Variants in PODN observed in about 807,000 individuals in gnomAD.
PODN encodes the protein podocan proteoglycan.
PODN carries 40 observed loss-of-function variants against 52.7 expected under a neutral mutation model. The ratio of observed to expected loss-of-function variants is 0.76; its 90% CI spans 0.59 to 0.99. The LOEUF is 0.99. Among genes scored for constraint, PODN ranks in the 50% least tolerant of loss-of-function variants. The pLI, the probability that PODN is intolerant of heterozygous loss-of-function variation, is 0.00. For synonymous variants in PODN, 396 were observed against 377.9 expected, an observed-to-expected ratio of 1.05 and a Z score of -0.56; for missense variants, 720 against 815.1, an observed-to-expected ratio of 0.88 and a Z score of 1.42.
chr1:53,072,134 A>G (rs966262001), intron 3 of PODN, among the ~76,000 whole-genome samples: 1 of 150,812 alleles, frequency 6.6e-6, no homozygotes, highest in African/African-American at 2.4e-5. Flanking sequence ...TAAAATAAAT[A>G]AAAAATAAAA....
intron 8 of PODN, among the ~76,000 whole-genome samples, chr1:53,079,961 C>G (rs1045328139): frequency 6.9e-6 from 1 of 145,262 alleles, no homozygotes; most frequent in Non-Finnish European, 1.5e-5. Flanking sequence ...CGCTACAGCA[C>G]TCAATCCTGG....
chr1:53,070,194 A>T (rs1036154955), intron 2 of PODN, 27 bp downstream of exon 2: 1 of 1,598,624 alleles, frequency 6.3e-7, no homozygotes, highest in Non-Finnish European at 8.5e-7. Flanking sequence ...ACCTGTGGTC[A>T]CGGGGGCTGT....
chr1:53,069,652 G>T, intron 1 of PODN, 149 bp from the exon 2 acceptor site: 1 of 1,199,182 alleles, frequency 8.3e-7, no homozygotes, highest in South Asian at 1.7e-5. Context: ...CCTCTGGAGG[G>T]CAGCCTGGTG....
chr1:53,070,890 C>G (rs965418155), intron 2 of PODN: 3 of 152,780 alleles, frequency 2.0e-5, no homozygotes, highest in African/African-American at 7.2e-5. Flanking sequence ...GCTCTTTCAT[C>G]CACACATCAA....
In PODN at chr1:53,075,940, G is replaced by A. The variant is rs369911030; in HGVS notation, c.550G>A (p.Gly184Arg). Residue 184 changes from glycine (G) to arginine (R), a missense_variant, in exon 5 of 11, where the codon GGG becomes AGG. Physicochemically the swap from Gly to Arg is moderately radical, Grantham distance 125 (BLOSUM62 -2). Transcript: ENST00000312553. ...FAANYLTKIY[G>R]LTFGQKPNLR... ...TGCCAACTATCTCACCAAGATCTAT[G>A]GGCTCACCTTTGGCCAGAAGCCAAA... The A allele has an allele frequency of 6.2e-7, 1 of 1,602,352 alleles. No homozygotes were observed. The highest frequency in any genetic ancestry group is 1.7e-5 in the Admixed American group (1 of 59,048).
chr1:53,062,382 G>C (rs1369417634), intron 1 of PODN, 74 bp downstream of exon 1: 10 of 1,101,906 alleles, frequency 9.1e-6, no homozygotes, highest in Non-Finnish European at 1.2e-5. Flanking sequence ...AGACGTCCCC[G>C]CCTCTCCGGA....
At chr1:53,070,297 C>G (rs1644099083) in intron 2 of PODN, 130 bp downstream of exon 2, 1 of 1,400,574 alleles carries the variant, frequency 7.1e-7, no homozygotes, top group Non-Finnish European at 9.6e-7. Context: ...CCACTCCCAA[C>G]CACAGGGTGC....
intron 3 of PODN, among the ~76,000 whole-genome samples, chr1:53,071,845 T>G (rs1441962301): frequency 1.3e-5 from 2 of 151,744 alleles, no homozygotes; most frequent in African/African-American, 4.9e-5. Flanking sequence ...ACACGGATAT[T>G]TCTTTCTTTT....
chr1:53,082,304 C>A, intron 10 of PODN, 116 bp downstream of exon 10: 1 of 1,336,852 alleles, frequency 7.5e-7, no homozygotes, highest in East Asian at 2.9e-5. Context: ...TTCATCCACC[C>A]ATTTAGCAAA....
rs2150296820 is a variant in PODN, at chr1:53,071,582, C to T, written c.360C>T (p.His120=). The change falls in exon 3 of 11, where the codon CAC becomes CAT. Residue 120 remains histidine, a synonymous_variant. Transcript: ENST00000312553. ...KIYPEELSRL[H]RLETLNLQNN... ...ACCCTGAGGAGCTCTCCCGGCTGCA[C>T]CGGCTGGAGACGCTGAACCTGCAAA... The T allele has an allele frequency of 3.7e-6, 6 of 1,614,010 alleles. No individual in the cohort carries two copies. The highest frequency in any genetic ancestry group is 5.1e-6 in the Non-Finnish European group (6 of 1,180,014).
chr1:53,069,237 G>A (rs1411795439), intron 1 of PODN, among the ~76,000 whole-genome samples: 4 of 152,224 alleles, frequency 2.6e-5, no homozygotes, highest in Non-Finnish European at 5.9e-5. Flanking sequence ...AAAAGAAAAT[G>A]CTGATTGCAC....
Position 53,078,664 on chromosome 1 carries a change from T to G in PODN, c.1154T>G (p.Leu385Arg), listed in dbSNP as rs763151254. 5 of 1,613,206 alleles carry G rather than the reference T, an allele frequency of 3.1e-6. No homozygotes were observed. In the South Asian group the frequency reaches 5.5e-5, roughly 18 times the overall value. The change falls in exon 8 of 11, where the codon CTC becomes CGC. Residue 385 changes from leucine to arginine, a missense_variant. Physicochemically the swap from Leu to Arg is moderately radical, Grantham distance 102. Transcript: ENST00000312553. Reference sequence around the variant, plus strand: ...GGCCTGCCTCGCCGCGTGCGCACCCTCATGATCCTGCACAACCAGATCACA... The same window carrying G: ...GGCCTGCCTCGCCGCGTGCGCACCCGCATGATCCTGCACAACCAGATCACA... Reference protein sequence around the residue: ...PSGLPRRVRTLMILHNQITGI... With the variant: ...PSGLPRRVRTRMILHNQITGI...
At position 53,082,799 on chromosome 1, in the gene PODN, GAC is replaced by G. The variant is rs149739373; in HGVS notation, c.*27+617_*27+618del. Among the ~76,000 whole-genome samples, 20 of 152,088 alleles carry G rather than the reference GAC, an allele frequency of 1.3e-4. No homozygotes were observed. In the East Asian group the frequency reaches 3.9e-3, roughly 30 times the overall value. On this transcript the variant is annotated intron_variant, in intron 10 of 10. Transcript: ENST00000312553. ...CACACACACCACACACATGCACACA[GAC>G]ACACATACATGCTTGTACCCCATGA...
In PODN at chr1:53,078,362, C is replaced by T; in HGVS notation, c.855-3C>T. On this transcript the variant is annotated splice_region_variant and splice_polypyrimidine_tract_variant and intron_variant, in intron 7 of 10. Transcript: ENST00000312553. ...AACCGTCCTAATTCCCTCCCTGCCC[C>T]AGGAAGCTCTCCAGCCTGGAGTACC... 6.2e-7 allele frequency: 1 copy of T among 1,606,340 alleles called. No individual in the cohort carries two copies. Among genetic ancestry groups the T allele is most frequent in the Non-Finnish European group, 8.5e-7 (1 of 1,174,140 alleles).
rs199842136 is a variant in PODN at position 53,082,099 on chromosome 1, C to T, written c.1780C>T (p.Arg594Cys). 30 of 1,613,468 alleles carry T rather than the reference C, an allele frequency of 1.9e-5. No individual in the cohort carries two copies. The highest frequency in any genetic ancestry group is 2.7e-5 in the African/African-American group (2 of 74,766). Reference sequence around the variant, plus strand: ...TGGTGACATTTCCAAGGACCGTGGCCGCTTGGGGAAGGAAAAGGAGGAGGA... The same window carrying T: ...TGGTGACATTTCCAAGGACCGTGGCTGCTTGGGGAAGGAAAAGGAGGAGGA... ...EFGDISKDRGRLGKEKEEEEE... is the reference protein window; with the variant it reads ...EFGDISKDRGCLGKEKEEEEE... The change falls in exon 10 of 11, where the codon CGC (arginine) becomes TGC (cysteine). Residue 594 changes from arginine to cysteine, a missense_variant. By Grantham distance (180) the Arg-to-Cys change is radical. Transcript: ENST00000312553.
At chr1:53,071,196 T>C (rs1283900820) in intron 2 of PODN, 1 of 194,718 alleles carries the variant, frequency 5.1e-6, no homozygotes, top group South Asian at 1.5e-4. Context: ...GGTTTCTGAC[T>C]TGGGGAGCAG....
rs575576276 is a variant in PODN at position 53,078,967 on chromosome 1, G to A, written c.1457G>A (p.Arg486Gln). 83 of 1,578,800 alleles carry A rather than the reference G, an allele frequency of 5.3e-5. 2 individuals are homozygous for A. The South Asian group carries it at 9.0e-4, about 17-fold the overall frequency. Residue 486 changes from arginine (R) to glutamine (Q), a missense_variant, in exon 8 of 11, where the codon CGA (arginine) becomes CAA (glutamine). Physicochemically the swap from Arg to Gln is conservative, Grantham distance 43. Coordinates refer to ENST00000312553, the MANE Select transcript of PODN (RefSeq NM_153703.5). ...CGTGAGCTGTACCTCACCAGCAACC[G>A]ACTGCGCAGCCGAGCCCTGGGCCCC... is the stretch of plus-strand genomic sequence containing the variant. The part of the protein sequence containing the change: ...QLRELYLTSN[R>Q]LRSRALGPRA...
intron 1 of PODN, among the ~76,000 whole-genome samples, chr1:53,067,428 C>T (rs551406877): frequency 6.6e-6 from 1 of 152,256 alleles, no homozygotes; most frequent in Admixed American, 6.5e-5. Context: ...TCTTTTCCAC[C>T]TCACCTGTGT....
chr1:53,084,168 C>T (rs556755988), intron 10 of PODN, among the ~76,000 whole-genome samples: 1 of 151,934 alleles, frequency 6.6e-6, no homozygotes, highest in African/African-American at 2.4e-5. Context: ...AGGTGTTGTC[C>T]TCACACAGAG....
Sources: gnomAD v4.1 joint callset for allele counts (sites outside exome capture counted in the v4.1 genomes callset) on GRCh38, gnomAD v4.1.1 for gene constraint, MANE v1.5 for transcripts, NCBI Gene and HGNC (gene_info 2026-07-23, HGNC 2026-07-21) for gene names.